Variants in ST14 observed in about 807,000 individuals in gnomAD.
ST14 encodes suppressor of tumorigenicity 14 protein.
Under a neutral mutation model 96.5 loss-of-function variants are expected in ST14, and 40 were observed. The ratio of observed to expected loss-of-function variants is 0.41; its 90% CI spans 0.32 to 0.54. The LOEUF is 0.54. Among genes scored for constraint, ST14 ranks in the 20% least tolerant of loss-of-function variants. ST14 has a pLI of 0.17. For synonymous variants in ST14, 506 were observed against 492.1 expected, an observed-to-expected ratio of 1.03 and a Z score of -0.37; for missense variants, 1,066 against 1,188.9, an observed-to-expected ratio of 0.90 and a Z score of 1.52.
chr11:130,172,274 T>A lies in ST14; in HGVS notation c.81+12214T>A, dbSNP rs191174598. On this transcript the variant is annotated intron_variant, in intron 1 of 18. Coordinates refer to ENST00000278742, the MANE Select transcript of ST14 (RefSeq NM_021978.4). ...TGCCACCATGCTAAGCTAATTTTTT[T>A]AAAAAATTTTTGTAGAGATGGGGGT... 6.7e-3 allele frequency among the ~76,000 whole-genome samples: 1,024 copies of A among 151,834 alleles called. 5 individuals are homozygous for A. The highest frequency in any genetic ancestry group is 0.015 in the African/African-American group (610 of 41,420).
chr11:130,209,330 G>C lies in ST14; in HGVS notation c.2270-112G>C. 5 of 1,415,404 alleles carry C rather than the reference G, an allele frequency of 3.5e-6. No individual in the cohort carries two copies. In the South Asian group the frequency reaches 3.7e-5, roughly 10 times the overall value. 87.7% of individuals were successfully genotyped at this position (1,415,404 alleles called of 1,614,324 possible). A position where few individuals can be genotyped will look rare whatever the true frequency, so the allele number is the denominator to read the frequency against. On this transcript the variant is annotated intron_variant, in intron 17 of 18. Transcript: ENST00000278742. ...CGCGGATTACCCGTTTGTCAGCCCC[G>C]GGCATCTGGGCTGTTCCAGAGTTTT...
At position 130,159,932 on chromosome 11, in the gene ST14, C is replaced by T; in HGVS notation, c.-48C>T. 11 of 1,178,556 alleles carry T rather than the reference C, an allele frequency of 9.3e-6. No homozygotes were observed. The highest frequency in any genetic ancestry group is 1.2e-5 in the Non-Finnish European group (11 of 930,584). 73.0% of individuals were successfully genotyped at this position (1,178,556 alleles called of 1,614,324 possible). A position where few individuals can be genotyped will look rare whatever the true frequency, so the allele number is the denominator to read the frequency against. On this transcript the variant is annotated 5_prime_UTR_variant, in exon 1 of 19. Coordinates refer to ENST00000278742, the MANE Select transcript of ST14 (RefSeq NM_021978.4). ...CGCCCTGCGGGCCATGGGAGCCGGC[C>T]GCCGGCAGGGACGACGCCTGTGAGA...
At position 130,196,802 on chromosome 11, in the gene ST14, T is replaced by A. The variant is rs1953370767; in HGVS notation, c.1354+102T>A. 5.7e-6 allele frequency: 9 copies of A among 1,566,568 alleles called. No homozygotes were observed. In the South Asian group the frequency reaches 1.0e-4, roughly 17 times the overall value. On this transcript the variant is annotated intron_variant, in intron 11 of 18. Transcript: ENST00000278742. Reference sequence around the variant, plus strand: ...TCGTGCTTTGCTGATTCTAAAATGCTGGAGAATGTAAGAGCATCTCACCCC... The same window carrying A: ...TCGTGCTTTGCTGATTCTAAAATGCAGGAGAATGTAAGAGCATCTCACCCC...
chr11:130,169,605 G>A (rs116468090), intron 1 of ST14, among the ~76,000 whole-genome samples: 7,208 of 152,160 alleles, frequency 0.047, 545 homozygotes, highest in African/African-American at 0.16. Context: ...AATACTTAAC[G>A]TGAGTAGCGG....
rs902546385 is a variant in ST14 at position 130,187,254 on chromosome 11, C to T, written c.82-860C>T. ...ATCCCCAGGATTCAGGGCGGGCAGACGGCATGTGCTATCGGCAGAAGCCTT... is the reference window on the plus strand; with the variant it reads ...ATCCCCAGGATTCAGGGCGGGCAGATGGCATGTGCTATCGGCAGAAGCCTT... On this transcript the variant is annotated intron_variant, in intron 1 of 18. Coordinates refer to ENST00000278742, the MANE Select transcript of ST14 (RefSeq NM_021978.4). The surrounding 1 kb of genome is among the most constrained non-coding windows in gnomAD (Gnocchi z 4.5). Among the ~76,000 whole-genome samples the T allele has an allele frequency of 9.9e-5, 15 of 152,170 alleles. No homozygotes were observed. The highest frequency in any genetic ancestry group is 2.2e-4 in the African/African-American group (9 of 41,424).
chr11:130,169,343 C>T (rs1436503830), intron 1 of ST14, among the ~76,000 whole-genome samples: 1 of 152,186 alleles, frequency 6.6e-6, no homozygotes, highest in African/African-American at 2.4e-5. Context: ...GATCCACCCG[C>T]CTTGGCCTTC....
intron 1 of ST14, among the ~76,000 whole-genome samples, chr11:130,185,879 C>G (rs1419563153): frequency 6.6e-6 from 1 of 152,144 alleles, no homozygotes; most frequent in Non-Finnish European, 1.5e-5. Context: ...GCAATCTCAG[C>G]TCACTGCAAC....
rs1020349795 is a variant in ST14, at chr11:130,181,457, C to G, written c.82-6657C>G. Among the ~76,000 whole-genome samples, 2 of 152,306 alleles carry G rather than the reference C, an allele frequency of 1.3e-5. No homozygotes were observed. Among genetic ancestry groups the G allele is most frequent in the East Asian group, 1.9e-4 (1 of 5,182 alleles). On this transcript the variant is annotated intron_variant, in intron 1 of 18. Coordinates refer to ENST00000278742, the MANE Select transcript of ST14 (RefSeq NM_021978.4). This position sits in a 1 kb window ranked among gnomAD's most constrained non-coding sequence, Gnocchi z 4.1. ...TCTGTGTTTATGGTAAGCAGACACACCTGGCTTCATAGCACCGTTTTATGT... is the reference window on the plus strand; with the variant it reads ...TCTGTGTTTATGGTAAGCAGACACAGCTGGCTTCATAGCACCGTTTTATGT...
At position 130,199,010 on chromosome 11, in the gene ST14, G is replaced by T. The variant is rs765424772; in HGVS notation, c.1748G>T (p.Gly583Val). Residue 583 changes from glycine (G) to valine (V), a missense_variant, in exon 15 of 19, where the codon GGC becomes GTC. By Grantham distance (109) the Gly-to-Val change is moderately radical. Transcript: ENST00000278742. ...RCLNGLCLSKGNPECDGKEDC... is the reference protein window; with the variant it reads ...RCLNGLCLSKVNPECDGKEDC... ...CTCAATGGGCTCTGCTTGAGCAAGG[G>T]CAACCCTGAGTGTGACGGGAAGGAG... 1.2e-6 allele frequency: 2 copies of T among 1,614,132 alleles called. No individual in the cohort carries two copies. Among genetic ancestry groups the T allele is most frequent in the Non-Finnish European group, 1.7e-6 (2 of 1,180,010 alleles).
At chr11:130,199,310 A>T (rs552901469) in intron 15 of ST14, among the ~76,000 whole-genome samples, 5 of 152,308 alleles carry the variant, frequency 3.3e-5, no homozygotes, top group Non-Finnish European at 7.4e-5. Flanking sequence ...CCTCTGTAGC[A>T]TGGCGGGGTC....
In ST14 at chr11:130,208,512, C is replaced by T; in HGVS notation, c.2097C>T (p.Ser699=). The part of the protein sequence containing the change: ...VQERRLKRII[S]HPFFNDFTFD... The stretch of plus-strand genomic sequence containing the variant: ...AGCGCAGGCTCAAGCGCATCATCTC[C>T]CACCCCTTCTTCAATGACTTCACCT... Residue 699 remains serine (S), a synonymous_variant, in exon 17 of 19, where the codon TCC becomes TCT. Transcript: ENST00000278742. The T allele has an allele frequency of 1.2e-6, 2 of 1,614,242 alleles. No individual in the cohort carries two copies. Among genetic ancestry groups the T allele is most frequent in the Non-Finnish European group, 1.7e-6 (2 of 1,180,046 alleles).
chr11:130,193,921 T>C (rs1284523385), intron 7 of ST14, among the ~76,000 whole-genome samples: 1 of 152,292 alleles, frequency 6.6e-6, no homozygotes, highest in Non-Finnish European at 1.5e-5. Context: ...CTTCCATCAG[T>C]GATTGTGACA....
At chr11:130,198,020 G>T in intron 12 of ST14, 75 bp downstream of exon 12, 2 of 1,447,610 alleles carry the variant, frequency 1.4e-6, no homozygotes, top group South Asian at 2.4e-5. Flanking sequence ...CCTGCTGGCT[G>T]ACTGCCGAGG....
chr11:130,169,574 G>C (rs976751753), intron 1 of ST14, among the ~76,000 whole-genome samples: 1 of 152,170 alleles, frequency 6.6e-6, no homozygotes, highest in African/African-American at 2.4e-5. Flanking sequence ...GACTACGCTA[G>C]CGATGACATA....
chr11:130,186,770 C>A (rs572986483), intron 1 of ST14, among the ~76,000 whole-genome samples: 23 of 152,180 alleles, frequency 1.5e-4, no homozygotes, highest in African/African-American at 5.5e-4. Flanking sequence ...TCCACATTGT[C>A]ATAATAGAAA....
At chr11:130,209,615 G>T in intron 18 of ST14, 37 bp downstream of exon 18, 1 of 1,576,764 alleles carries the variant, frequency 6.3e-7, no homozygotes, top group South Asian at 1.1e-5. Context: ...GGTGGGCCCC[G>T]GGAGAGGCGG....
chr11:130,188,425 C>G lies in ST14; in HGVS notation c.242-105C>G, dbSNP rs1417809339. The G allele has an allele frequency of 2.2e-5, 35 of 1,599,092 alleles. No individual in the cohort carries two copies. The highest frequency in any genetic ancestry group is 2.4e-5 in the Non-Finnish European group (28 of 1,172,680). On this transcript the variant is annotated intron_variant, in intron 2 of 18. Coordinates refer to ENST00000278742, the MANE Select transcript of ST14 (RefSeq NM_021978.4). This position sits in a 1 kb window ranked among gnomAD's most constrained non-coding sequence, Gnocchi z 5.4. ...GGGGAGTGATGGGAAGCAGTCAGGG[C>G]TGACCCATGGCCCCCTCCTGGCATT...
At chr11:130,180,653 G>C (rs1308256153) in intron 1 of ST14, among the ~76,000 whole-genome samples, 1 of 152,188 alleles carries the variant, frequency 6.6e-6, no homozygotes, top group Non-Finnish European at 1.5e-5. Context: ...GGAACCAGGA[G>C]AGCGTTCCTC....
intron 11 of ST14, 24 bp downstream of exon 11, chr11:130,196,724 G>T (rs771792361): frequency 6.2e-7 from 1 of 1,614,054 alleles, no homozygotes; most frequent in Non-Finnish European, 8.5e-7. Flanking sequence ...GTTGGGAGGA[G>T]GGCTGGCGGG....
Sources: gnomAD v4.1 joint callset for allele counts (sites outside exome capture counted in the v4.1 genomes callset) on GRCh38, gnomAD v4.1.1 for gene constraint, Gnocchi (gnomAD v3.1) non-coding constraint, MANE v1.5 for transcripts, NCBI Gene and HGNC (gene_info 2026-07-23, HGNC 2026-07-21) for gene names.